Variants in LRPPRC observed in about 807,000 individuals in gnomAD.
The protein encoded by LRPPRC is leucine rich pentatricopeptide repeat containing, also known as leucine-rich PPR motif-containing protein, mitochondrial.
Under a neutral mutation model 180.3 loss-of-function variants are expected in LRPPRC, and 120 were observed. The observed-to-expected ratio is 0.67, with a 90% CI of 0.57 to 0.77. The LOEUF is 0.77. Among genes scored for constraint, LRPPRC ranks in the 30% least tolerant of loss-of-function variants. The pLI is 0.00. For synonymous variants in LRPPRC, 723 were observed against 600.0 expected, an observed-to-expected ratio of 1.21 and a Z score of -3.00; for missense variants, 2,012 against 1,657.2, an observed-to-expected ratio of 1.21 and a Z score of -3.72.
intron 14 of LRPPRC, among the ~76,000 whole-genome samples, chr2:43,951,167 C>T (rs1672888287): frequency 6.6e-6 from 1 of 152,170 alleles, no homozygotes; most frequent in South Asian, 2.1e-4. Context: ...ACTAATGTGC[C>T]TTTAAATATA....
At chr2:43,915,662 G>C (rs1002981704) in intron 29 of LRPPRC, among the ~76,000 whole-genome samples, 36 of 152,176 alleles carry the variant, frequency 2.4e-4, no homozygotes, top group African/African-American at 7.7e-4. Flanking sequence ...CTGGGTGACA[G>C]AGCAAGACTC....
intron 25 of LRPPRC, among the ~76,000 whole-genome samples, chr2:43,930,126 G>A (rs1422010889): frequency 2.0e-5 from 3 of 152,094 alleles, no homozygotes; most frequent in Non-Finnish European, 4.4e-5. Flanking sequence ...TGGAATCCAA[G>A]CTTTTGGTCT....
chr2:43,939,307 AAACAAC>A (rs201718164), intron 23 of LRPPRC, among the ~76,000 whole-genome samples: 2 of 146,620 alleles, frequency 1.4e-5, no homozygotes, highest in African/African-American at 5.1e-5. Context: ...ATAAAAATAA[AAACAAC>A]AACAACAACA....
intron 20 of LRPPRC, 125 bp downstream of exon 20, chr2:43,947,132 G>T (rs560378139): frequency 1.3e-4 from 73 of 576,552 alleles, no homozygotes; most frequent in Non-Finnish European, 2.2e-4. Context: ...TCATTTAATT[G>T]CATTCTTTAC....
intron 1 of LRPPRC, among the ~76,000 whole-genome samples, chr2:43,984,483 G>A (rs542835277): frequency 3.9e-5 from 6 of 152,226 alleles, no homozygotes; most frequent in East Asian, 1.9e-4. Context: ...TACTGCAGCC[G>A]AGTCTCCTTC....
At position 43,995,960 on chromosome 2, in the gene LRPPRC, C is replaced by G. The variant is rs1021446016; in HGVS notation, c.-13G>C. On this transcript the variant is annotated 5_prime_UTR_variant, in exon 1 of 38. Coordinates refer to ENST00000260665, the MANE Select transcript of LRPPRC (RefSeq NM_133259.4). Reference sequence around the variant, plus strand: ...GCAGGGCTGCCATTGCTCGAACGTCCCCGCAGCGGGAAGCACGCTCCGCCA... The same window carrying G: ...GCAGGGCTGCCATTGCTCGAACGTCGCCGCAGCGGGAAGCACGCTCCGCCA... The G allele has an allele frequency of 7.9e-6, 12 of 1,524,354 alleles. No homozygotes were observed. In the African/African-American group the frequency reaches 1.3e-4, roughly 16 times the overall value. The allele number at this position is 1,524,354 out of a possible 1,614,324, so 94.4% of individuals were successfully genotyped here.
chr2:43,945,818 A>G (rs1359709533), intron 21 of LRPPRC, among the ~76,000 whole-genome samples: 1 of 152,126 alleles, frequency 6.6e-6, no homozygotes, highest in Non-Finnish European at 1.5e-5. Context: ...AATGTTATCA[A>G]GCCTCTTAAA....
In LRPPRC at chr2:43,886,471, T is replaced by G. The variant is rs375618674; in HGVS notation, c.*2129A>C. 6.6e-6 allele frequency: 1 copy of G among 152,220 alleles called. No individual in the cohort carries two copies. The highest frequency in any genetic ancestry group is 6.5e-5 in the Admixed American group (1 of 15,288). The allele number at this position is 152,220 out of a possible 1,614,324, so 9.4% of individuals were successfully genotyped here. On this transcript the variant is annotated 3_prime_UTR_variant, in exon 38 of 38. Transcript: ENST00000260665. ...ACTCATAAGCCCACCTACAGTATAG[T>G]TATTATACTTTAAATATTTATATTC...
rs978746877 is a variant in LRPPRC, at chr2:43,886,544, T to C, written c.*2056A>G. On this transcript the variant is annotated 3_prime_UTR_variant, in exon 38 of 38. Transcript: ENST00000260665. The stretch of plus-strand genomic sequence containing the variant: ...AAAAGATATTTGAACAGCTAGTCCT[T>C]TGTAACACCCCCCCGCTGCTGCCGA... The C allele has an allele frequency of 6.6e-6, 1 of 152,214 alleles. No individual in the cohort carries two copies. Among genetic ancestry groups the C allele is most frequent in the African/African-American group, 2.4e-5 (1 of 41,444 alleles). 9.4% of individuals were successfully genotyped at this position (152,214 alleles called of 1,614,324 possible).
chr2:43,964,443 T>C lies in LRPPRC; in HGVS notation c.1370-737A>G, dbSNP rs1015571551. 3.3e-5 allele frequency among the ~76,000 whole-genome samples: 5 copies of C among 152,172 alleles called. No individual in the cohort carries two copies. The East Asian group carries it at 9.6e-4, about 29-fold the overall frequency. ...TACAGTTTAATAAAAAGAAAGAACA[T>C]TCTTATTTCTCCTTCTAAAAACTTA... On this transcript the variant is annotated intron_variant, in intron 11 of 37. Transcript: ENST00000260665.
At chr2:43,965,545 G>A (rs1030068757) in intron 11 of LRPPRC, among the ~76,000 whole-genome samples, 5 of 152,150 alleles carry the variant, frequency 3.3e-5, no homozygotes, top group African/African-American at 9.6e-5. Context: ...GCTTCTGCAC[G>A]GTAAAGGAAA....
chr2:43,888,735 C>T, intron 37 of LRPPRC, 79 bp from the exon 38 acceptor site: 1 of 797,980 alleles, frequency 1.3e-6, no homozygotes, highest in Non-Finnish European at 2.2e-6. Context: ...TCATAAAACA[C>T]TACCAACTGG....
chr2:43,953,894 G>A (rs1180394514), intron 14 of LRPPRC, among the ~76,000 whole-genome samples: 1 of 152,168 alleles, frequency 6.6e-6, no homozygotes, highest in Non-Finnish European at 1.5e-5. Context: ...ATAATGGCCA[G>A]GCCGGTGGTT....
intron 25 of LRPPRC, among the ~76,000 whole-genome samples, chr2:43,929,329 C>T (rs1470981670): frequency 1.3e-5 from 2 of 152,126 alleles, no homozygotes; most frequent in African/African-American, 4.8e-5. Flanking sequence ...TTCGTTACTT[C>T]GTATGACTAG....
At chr2:43,996,015 G>A (rs1267492958), upstream of LRPPRC, 1 of 1,490,626 alleles carries the variant, frequency 6.7e-7, no homozygotes, top group Non-Finnish European at 9.0e-7. Context: ...TGACCGCAGG[G>A]TAGCCTGGCG....
intron 13 of LRPPRC, 54 bp from the exon 14 acceptor site, chr2:43,957,505 C>G: frequency 1.6e-6 from 2 of 1,275,880 alleles, no homozygotes; most frequent in Non-Finnish European, 1.1e-6. Context: ...TTTAAAAACC[C>G]TGTATTATCA....
At chr2:43,901,768 G>C in intron 31 of LRPPRC, 1 of 498,040 alleles carries the variant, frequency 2.0e-6, no homozygotes, top group South Asian at 2.4e-5. Context: ...AAATACAAAT[G>C]TTACCGACAA....
At chr2:43,895,946 G>C (rs1458766962) in intron 35 of LRPPRC, among the ~76,000 whole-genome samples, 1 of 151,770 alleles carries the variant, frequency 6.6e-6, no homozygotes, top group Admixed American at 6.6e-5. Flanking sequence ...TTTTTCAAAA[G>C]GACTTGGTTC....
Position 43,943,683 on chromosome 2 carries a change from T to C in LRPPRC, c.2504+4A>G. The stretch of plus-strand genomic sequence containing the variant: ...ATTTAAAATTCAAAATTCAATTAAC[T>C]TACTTTTCCAAGTGTACAGTGACCA... On this transcript the variant is annotated splice_donor_region_variant and intron_variant, in intron 23 of 37. Coordinates refer to ENST00000260665, the MANE Select transcript of LRPPRC (RefSeq NM_133259.4). The C allele has an allele frequency of 1.9e-6, 3 of 1,610,256 alleles. No individual in the cohort carries two copies. The highest frequency in any genetic ancestry group is 2.5e-6 in the Non-Finnish European group (3 of 1,176,492).
Sources: allele counts gnomAD v4.1 joint callset (sites outside exome capture counted in the v4.1 genomes callset), GRCh38; gene constraint gnomAD v4.1.1; transcripts MANE v1.5; gene names NCBI Gene and HGNC (gene_info 2026-07-23, HGNC 2026-07-21).